The following DSP variants were observed in gnomAD, a reference collection of about 807,000 sequenced individuals.
DSP encodes the protein desmoplakin.
DSP carries 114 observed loss-of-function variants against 290.6 expected under a neutral mutation model. The ratio of observed to expected loss-of-function variants is 0.39; its 90% confidence interval spans 0.34 to 0.46. The LOEUF is 0.46. Ranked by LOEUF, DSP falls within the 20% of genes least tolerant of loss-of-function variation. The pLI, the probability that DSP is intolerant of heterozygous loss-of-function variation, is 0.99. For synonymous variants in DSP, 1,311 were observed against 1,316.4 expected, an observed-to-expected ratio of 1.00 and a Z score of 0.09; for missense variants, 3,230 against 3,495.8, an observed-to-expected ratio of 0.92 and a Z score of 1.92.
At chr6:7,578,899 T>A (rs1319270367) in intron 22 of DSP, among the ~76,000 whole-genome samples, 1 of 152,252 alleles carries the variant, frequency 6.6e-6, no homozygotes, top group African/African-American at 2.4e-5. Context: ...TCAGTGATTG[T>A]TCCCTTTATT....
chr6:7,564,129 G>A (rs1304701526), intron 6 of DSP, among the ~76,000 whole-genome samples: 1 of 152,198 alleles, frequency 6.6e-6, no homozygotes, highest in Non-Finnish European at 1.5e-5. Context: ...AGTCCCTACT[G>A]CTGTTCTGTT....
chr6:7,560,065 A>G (rs372194756), intron 4 of DSP, among the ~76,000 whole-genome samples: 7 of 152,370 alleles, frequency 4.6e-5, no homozygotes, highest in East Asian at 3.9e-4. Context: ...TCATGTAGTC[A>G]TTATGTCCTA....
rs540438215 is a variant in DSP, at chr6:7,549,814, GA to G, written c.171-5900del. 4.6e-5 allele frequency among the ~76,000 whole-genome samples: 7 copies of G among 152,248 alleles called. No homozygotes were observed. In the East Asian group the frequency reaches 1.4e-3, roughly 29 times the overall value. ...GGAAGGAAAGGAGTCCAGTTAGAGA[GA>G]AAATATATAAACAAAAAGAAAGGCA... is the stretch of plus-strand genomic sequence containing the variant. On this transcript the variant is annotated intron_variant, in intron 1 of 23. Transcript: ENST00000379802.
rs876657638 is a variant in DSP, at chr6:7,571,554, C to T, written c.1873C>T (p.Gln625Ter). 1.2e-6 allele frequency: 2 copies of T among 1,614,232 alleles called. No individual in the cohort carries two copies. Among genetic ancestry groups the T allele is most frequent in the Non-Finnish European group, 1.7e-6 (2 of 1,180,034 alleles). ...GAAGCATTACCAGACCCTGGTCATT[C>T]AGCTCCCTGGCTATCCCCAGCACCA... Reference protein sequence around the residue: ...AQKHYQTLVIQLPGYPQHQTV... With the variant: ...AQKHYQTLVI The change falls in exon 14 of 24, where the codon CAG becomes TAG. Residue 625 changes from glutamine (Q) to a stop codon, truncating the protein, a stop_gained. Coordinates refer to ENST00000379802, the MANE Select transcript of DSP (RefSeq NM_004415.4). LOFTEE classifies it high-confidence loss of function.
intron 19 of DSP, among the ~76,000 whole-genome samples, chr6:7,576,730 G>C (rs925328719): frequency 2.0e-5 from 3 of 152,128 alleles, no homozygotes; most frequent in African/African-American, 7.2e-5. Context: ...CAGAAAACAG[G>C]CTGACTAGAA....
intron 1 of DSP, among the ~76,000 whole-genome samples, chr6:7,554,127 C>CACACACACACACACACT (rs1171658955): frequency 8.3e-5 from 2 of 23,968 alleles, no homozygotes; most frequent in African/African-American, 3.8e-4. Context: ...ACACACACAC[C>CACACACACACACACACT]CAGTTGGTTA....
At chr6:7,571,318 A>G in intron 13 of DSP, 65 bp from the exon 14 acceptor site, 2 of 1,596,566 alleles carry the variant, frequency 1.3e-6, no homozygotes, top group South Asian at 1.1e-5. Flanking sequence ...TTTTTGGCCA[A>G]CTCTTCTTGA....
rs867430601 is a variant in DSP at position 7,585,633 on chromosome 6, C to T, written c.8371C>T (p.Arg2791Cys). 6.2e-7 allele frequency: 1 copy of T among 1,614,226 alleles called. No homozygotes were observed. The change falls in exon 24 of 24, where the codon CGC (arginine) becomes TGC (cysteine). Residue 2791 changes from arginine to cysteine, a missense_variant. Around this residue, in one of 5 missense-constraint regions of DSP, gnomAD observed 582 missense variants for 555.4 expected, o/e 1.05. Coordinates refer to ENST00000379802, the MANE Select transcript of DSP (RefSeq NM_004415.4). Reference protein sequence around the residue: ...LKISYKDAINRSMVEDITGLR... With the variant: ...LKISYKDAINCSMVEDITGLR... ...AATATCCTATAAGGATGCCATAAAT[C>T]GCTCCATGGTAGAAGATATCACTGG...
At chr6:7,552,881 T>C (rs186432742) in intron 1 of DSP, among the ~76,000 whole-genome samples, 1 of 150,778 alleles carries the variant, frequency 6.6e-6, no homozygotes, top group Non-Finnish European at 1.5e-5. Context: ...AACTGTGGTA[T>C]AACTAATCAG....
In DSP at chr6:7,579,484, C is replaced by G. The variant is rs535762713; in HGVS notation, c.3294C>G (p.Asp1098Glu). The G allele has an allele frequency of 1.6e-5, 26 of 1,613,910 alleles. No homozygotes were observed. Among genetic ancestry groups the G allele is most frequent in the Non-Finnish European group, 1.9e-5 (23 of 1,180,042 alleles). ...LDGKSAKQNLDKCYGQIKELN... is the reference protein window; with the variant it reads ...LDGKSAKQNLEKCYGQIKELN... ...GGAAGTCGGCTAAGCAAAATCTAGA[C>G]AAGTGCTACGGCCAAATAAAAGAAC... The change falls in exon 23 of 24, where the codon GAC (aspartate) becomes GAG (glutamate). Residue 1098 changes from aspartate to glutamate, a missense_variant. Physicochemically the swap from Asp to Glu is conservative, Grantham distance 45. Around this residue, in one of 5 missense-constraint regions of DSP, gnomAD observed 1,714 missense variants for 1,844.5 expected, o/e 0.93. Transcript: ENST00000379802. This position sits in a 1 kb window ranked among gnomAD's most constrained non-coding sequence, Gnocchi z 4.1.
rs1335076110 is a variant in DSP at position 7,542,040 on chromosome 6, A to G, written c.125A>G (p.Tyr42Cys). Residue 42 changes from tyrosine (Y) to cysteine (C), a missense_variant, in exon 1 of 24, where the codon TAT becomes TGT. Tyr to Cys is a radical substitution (Grantham distance 194). Around this residue, in one of 5 missense-constraint regions of DSP, gnomAD observed 646 missense variants for 684.3 expected, o/e 0.94. Transcript: ENST00000379802. ...SGGGGTSRMYYSRRGVITDQN... is the reference protein window; with the variant it reads ...SGGGGTSRMYCSRRGVITDQN... ...GGCGGGGGCACCAGCAGGATGTACT[A>G]TTCTCGGCGCGGCGTGATCACCGAC... The G allele has an allele frequency of 2.5e-6, 4 of 1,576,506 alleles. No homozygotes were observed. Among genetic ancestry groups the G allele is most frequent in the Non-Finnish European group, 3.4e-6 (4 of 1,161,864 alleles).
At position 7,571,561 on chromosome 6, in the gene DSP, C is replaced by T. The variant is rs2113679213; in HGVS notation, c.1880C>T (p.Pro627Leu). ...KHYQTLVIQL[P>L]GYPQHQTVTT... ...TACCAGACCCTGGTCATTCAGCTCC[C>T]TGGCTATCCCCAGCACCAGACAGGT... Residue 627 changes from proline (P) to leucine (L), a missense_variant, in exon 14 of 24, where the codon CCT becomes CTT. Pro to Leu is a moderately conservative substitution (Grantham distance 98). Around this residue, in one of 5 missense-constraint regions of DSP, gnomAD observed 81 missense variants for 130.5 expected, o/e 0.62. Transcript: ENST00000379802. 1.2e-6 allele frequency: 2 copies of T among 1,614,206 alleles called. No homozygotes were observed. Among genetic ancestry groups the T allele is most frequent in the Non-Finnish European group, 1.7e-6 (2 of 1,180,030 alleles).
chr6:7,559,447 C>G, intron 4 of DSP, 47 bp downstream of exon 4: 1 of 1,609,602 alleles, frequency 6.2e-7, no homozygotes, highest in Non-Finnish European at 8.5e-7. Context: ...CCAGACGTTC[C>G]AGCACGATGG....
In DSP at chr6:7,582,425, T is replaced by A. The variant is rs1759467491; in HGVS notation, c.5380-217T>A. 1.3e-5 allele frequency among the ~76,000 whole-genome samples: 2 copies of A among 151,694 alleles called. No homozygotes were observed. The highest frequency in any genetic ancestry group is 4.1e-4 in the South Asian group (2 of 4,824). On this transcript the variant is annotated intron_variant, in intron 23 of 23. Coordinates refer to ENST00000379802, the MANE Select transcript of DSP (RefSeq NM_004415.4). The surrounding 1 kb of genome is among the most constrained non-coding windows in gnomAD (Gnocchi z 4.2). ...TCCTTCTATAGAAAAAAATAGTAAG[T>A]ATGAAGCCATTTATTGAAGTGGCAA...
intron 5 of DSP, 21 bp from the exon 6 acceptor site, chr6:7,563,715 C>G: frequency 1.2e-6 from 2 of 1,607,398 alleles, no homozygotes; most frequent in Non-Finnish European, 1.7e-6. Context: ...TTATATCTAC[C>G]TGCTTTTTGT....
At position 7,541,791 on chromosome 6, in the gene DSP, G is replaced by C; in HGVS notation, c.-125G>C. On this transcript the variant is annotated 5_prime_UTR_variant, in exon 1 of 24. Transcript: ENST00000379802. ...CCCAGGTAGCGAGCAGCGACCTCGCGAGCCTTCCGCACTCCCGCCCGGTTC... is the reference window on the plus strand; with the variant it reads ...CCCAGGTAGCGAGCAGCGACCTCGCCAGCCTTCCGCACTCCCGCCCGGTTC... 5 of 1,278,324 alleles carry C rather than the reference G, an allele frequency of 3.9e-6. No individual in the cohort carries two copies. Among genetic ancestry groups the C allele is most frequent in the South Asian group, 3.1e-5 (2 of 64,784 alleles). 79.2% of individuals were successfully genotyped at this position (1,278,324 alleles called of 1,614,324 possible). A position where few individuals can be genotyped will look rare whatever the true frequency, so the allele number is the denominator to read the frequency against.
intron 4 of DSP, among the ~76,000 whole-genome samples, chr6:7,561,074 G>T (rs1436403585): frequency 6.6e-6 from 1 of 151,688 alleles, no homozygotes; most frequent in African/African-American, 2.4e-5. Flanking sequence ...GCTTCAGCCT[G>T]CCGAGTATCT....
intron 22 of DSP, 69 bp downstream of exon 22, chr6:7,578,631 CATT>C: frequency 8.3e-7 from 1 of 1,204,738 alleles, no homozygotes; most frequent in Non-Finnish European, 1.2e-6. Flanking sequence ...ATTACTTCCA[CATT>C]ATAACATGGA....
At chr6:7,578,632 A>G in intron 22 of DSP, 70 bp downstream of exon 22, 4 of 1,209,830 alleles carry the variant, frequency 3.3e-6, no homozygotes, top group Non-Finnish European at 4.9e-6. Flanking sequence ...TTACTTCCAC[A>G]TTATAACATG....
Sources: gnomAD v4.1 joint callset for allele counts (sites outside exome capture counted in the v4.1 genomes callset) on GRCh38, gnomAD v4.1.1 for gene constraint, gnomAD v4.1.1 regional missense constraint, Gnocchi (gnomAD v3.1) non-coding constraint, MANE v1.5 for transcripts, NCBI Gene and HGNC (gene_info 2026-07-23, HGNC 2026-07-21) for gene names.